The following CDH19 variants were observed in gnomAD, a reference collection of about 807,000 sequenced individuals.
The protein encoded by CDH19 is cadherin-19.
A neutral mutation model predicts 64.2 loss-of-function variants in CDH19; 67 were observed. The ratio of observed to expected loss-of-function variants is 1.04; its 90% CI spans 0.86 to 1.28. The LOEUF (loss-of-function observed/expected upper bound fraction) is 1.28, where lower values mean the gene tolerates loss of function less well. CDH19 is among the 50% of genes most tolerant of loss of function. The pLI, the probability that CDH19 is intolerant of heterozygous loss-of-function variation, is 0.00. For synonymous variants in CDH19, 346 were observed against 319.3 expected, an observed-to-expected ratio of 1.08 and a Z score of -0.89; for missense variants, 1,030 against 929.0, an observed-to-expected ratio of 1.11 and a Z score of -1.41.
intron 11 of CDH19, among the ~76,000 whole-genome samples, chr18:66,508,531 G>A (rs1258610231): frequency 6.6e-6 from 1 of 151,556 alleles, no homozygotes; most frequent in Non-Finnish European, 1.5e-5. Flanking sequence ...AAAGCTTTTT[G>A]AGTTTCTATT....
chr18:66,596,578 G>A (rs1988894458), intron 1 of CDH19, among the ~76,000 whole-genome samples: 1 of 151,892 alleles, frequency 6.6e-6, no homozygotes, highest in Non-Finnish European at 1.5e-5. Flanking sequence ...AAAATACCTA[G>A]GAACACAGCT....
At chr18:66,569,137 T>G (rs1251053506) in intron 2 of CDH19, among the ~76,000 whole-genome samples, 2 of 151,634 alleles carry the variant, frequency 1.3e-5, no homozygotes, top group African/African-American at 2.4e-5. Context: ...CTTGCATGAA[T>G]ATACATGGAA....
At position 66,504,801 on chromosome 18, in the gene CDH19, G is replaced by T. The variant is rs1429722593; in HGVS notation, c.*11C>A. 7 of 1,578,048 alleles carry T rather than the reference G, an allele frequency of 4.4e-6. No homozygotes were observed. The highest frequency in any genetic ancestry group is 3.5e-6 in the Non-Finnish European group (4 of 1,158,538). ...CATTAGCACTTTTAAAAATTTTGAT[G>T]GTAAAAAGCCCTAATTATTTGACTG... On this transcript the variant is annotated 3_prime_UTR_variant, in exon 12 of 12. Coordinates refer to ENST00000262150, the MANE Select transcript of CDH19 (RefSeq NM_021153.4).
At chr18:66,575,954 A>G (rs1213828748) in intron 1 of CDH19, among the ~76,000 whole-genome samples, 1 of 151,866 alleles carries the variant, frequency 6.6e-6, no homozygotes, top group Non-Finnish European at 1.5e-5. Flanking sequence ...TTTAAGCTCC[A>G]TAAACCATAT....
At chr18:66,554,769 G>A (rs1468825297) in intron 3 of CDH19, among the ~76,000 whole-genome samples, 1 of 151,578 alleles carries the variant, frequency 6.6e-6, no homozygotes, top group East Asian at 1.9e-4. Flanking sequence ...TTTTAAACAT[G>A]TAGATTGATG....
intron 1 of CDH19, among the ~76,000 whole-genome samples, chr18:66,588,844 C>G (rs1988659667): frequency 6.6e-6 from 1 of 151,662 alleles, no homozygotes; most frequent in Non-Finnish European, 1.5e-5. Context: ...TATGCAGATA[C>G]ACCACTAAAC....
intron 1 of CDH19, among the ~76,000 whole-genome samples, chr18:66,594,976 G>T (rs908850370): frequency 6.6e-6 from 1 of 150,862 alleles, no homozygotes; most frequent in Admixed American, 6.6e-5. Context: ...TGCATATTGT[G>T]CACATGTACC....
At chr18:66,595,502 C>T (rs8099295) in intron 1 of CDH19, among the ~76,000 whole-genome samples, 73,136 of 132,558 alleles carry the variant, frequency 0.55, 20,253 homozygotes, top group Admixed American at 0.59. Context: ...ACATTACCAC[C>T]GGCCCCACAG....
intron 1 of CDH19, among the ~76,000 whole-genome samples, chr18:66,598,360 A>G (rs1042554383): frequency 1.3e-5 from 2 of 152,202 alleles, no homozygotes; most frequent in Middle Eastern, 3.2e-3. Flanking sequence ...GAAGGAATAT[A>G]TAGTTCTACC....
At chr18:66,581,073 C>T (rs1291507110) in intron 1 of CDH19, among the ~76,000 whole-genome samples, 1 of 152,032 alleles carries the variant, frequency 6.6e-6, no homozygotes, top group Non-Finnish European at 1.5e-5. Context: ...TTTATATTTT[C>T]CAATCAGATG....
At chr18:66,586,818 A>C (rs1988592938) in intron 1 of CDH19, among the ~76,000 whole-genome samples, 1 of 152,120 alleles carries the variant, frequency 6.6e-6, no homozygotes, top group South Asian at 2.1e-4. Context: ...TTAAGAAAAA[A>C]TAAATCCCCT....
At position 66,505,103 on chromosome 18, in the gene CDH19, A is replaced by G; in HGVS notation, c.2028T>C (p.Ala676=). ...ACTGCCTGTATAGGCTCCTGATCTC[A>G]GCGCTTGTGGTTTTCCGAGTCTTGC... The part of the protein sequence containing the change: ...RERKTRKTTS[A]EIRSLYRQSL... Residue 676 remains alanine (A), a synonymous_variant, in exon 12 of 12, where the codon GCT becomes GCC. Coordinates refer to ENST00000262150, the MANE Select transcript of CDH19 (RefSeq NM_021153.4). 3.7e-6 allele frequency: 6 copies of G among 1,613,576 alleles called. No homozygotes were observed. Among genetic ancestry groups the G allele is most frequent in the Non-Finnish European group, 4.2e-6 (5 of 1,179,718 alleles).
chr18:66,546,199 A>G (rs1411992442), intron 5 of CDH19, among the ~76,000 whole-genome samples: 13 of 152,166 alleles, frequency 8.5e-5, no homozygotes, highest in Non-Finnish European at 1.6e-4. Context: ...CAGTCACTTC[A>G]AAGATTGCAT....
intron 3 of CDH19, among the ~76,000 whole-genome samples, chr18:66,557,117 T>C (rs902798467): frequency 6.6e-6 from 1 of 152,024 alleles, no homozygotes; most frequent in African/African-American, 2.4e-5. Flanking sequence ...TGCATTCCCA[T>C]GTTCACTGCA....
intron 9 of CDH19, among the ~76,000 whole-genome samples, chr18:66,517,451 C>T (rs1985787425): frequency 6.6e-6 from 1 of 151,972 alleles, no homozygotes. Context: ...GCAAATTACC[C>T]TGATGTCAGC....
intron 3 of CDH19, among the ~76,000 whole-genome samples, chr18:66,556,356 C>T (rs956453691): frequency 5.9e-5 from 9 of 151,664 alleles, no homozygotes; most frequent in African/African-American, 2.2e-4. Context: ...TCATGTTGTA[C>T]ATTAGATCTC....
chr18:66,559,600 G>GAA (rs987853583), intron 3 of CDH19, among the ~76,000 whole-genome samples: 1 of 151,328 alleles, frequency 6.6e-6, no homozygotes, highest in African/African-American at 2.4e-5. Flanking sequence ...TATAGTTACA[G>GAA]AAAAACATTA....
intron 1 of CDH19, among the ~76,000 whole-genome samples, chr18:66,589,869 G>T (rs538276519): frequency 3.8e-4 from 58 of 151,928 alleles, no homozygotes; most frequent in African/African-American, 1.2e-3. Context: ...CACATGAACT[G>T]AGTGAAATAT....
chr18:66,547,563 A>C (rs1184927031), intron 5 of CDH19, among the ~76,000 whole-genome samples: 1 of 151,904 alleles, frequency 6.6e-6, no homozygotes, highest in Admixed American at 6.6e-5. Context: ...AGAACATGAA[A>C]CCTGGATGTG....
Sources: allele counts gnomAD v4.1 joint callset (sites outside exome capture counted in the v4.1 genomes callset), GRCh38; gene constraint gnomAD v4.1.1; transcripts MANE v1.5; gene names NCBI Gene and HGNC (gene_info 2026-07-23, HGNC 2026-07-21).